The following DNAH8 variants were observed in gnomAD, a reference collection of about 807,000 sequenced individuals.
DNAH8 encodes the protein axonemal beta dynein heavy chain 8.
In DNAH8, 382 loss-of-function variants were observed where a neutral mutation model predicts 562.1. That is an observed-to-expected ratio of 0.68 (90% CI 0.63 to 0.74). The LOEUF is 0.74. Among genes scored for constraint, DNAH8 ranks in the 30% least tolerant of loss-of-function variants. The probability of loss-of-function intolerance (pLI) is 0.00; values close to 1 mark genes in which losing one functional copy is unlikely to be tolerated. For synonymous variants in DNAH8, 1,881 were observed against 1,919.4 expected, an observed-to-expected ratio of 0.98 and a Z score of 0.52; for missense variants, 5,203 against 5,620.4, an observed-to-expected ratio of 0.93 and a Z score of 2.37.
intron 36 of DNAH8, among the ~76,000 whole-genome samples, chr6:38,847,538 C>A (rs1287782737): frequency 6.6e-6 from 1 of 152,026 alleles, no homozygotes; most frequent in Non-Finnish European, 1.5e-5. Flanking sequence ...CTCCTTAGAG[C>A]AATTTATGTA....
At chr6:38,757,923 G>A (rs555784107) in intron 10 of DNAH8, among the ~76,000 whole-genome samples, 2 of 152,150 alleles carry the variant, frequency 1.3e-5, no homozygotes, top group Admixed American at 1.3e-4. Context: ...GGTTACTGTA[G>A]CCTTGTAGTA....
intron 79 of DNAH8, among the ~76,000 whole-genome samples, chr6:38,943,131 TC>T (rs1783594012): frequency 6.6e-6 from 1 of 152,198 alleles, no homozygotes; most frequent in African/African-American, 2.4e-5. Flanking sequence ...TAGGGAGCCA[TC>T]GAATGTTTTA....
chr6:38,970,676 CTT>C (rs1159285686), intron 82 of DNAH8, among the ~76,000 whole-genome samples: 1 of 152,192 alleles, frequency 6.6e-6, no homozygotes, highest in East Asian at 1.9e-4. Flanking sequence ...TCTCCAGCTT[CTT>C]ATAGTCTCTA....
chr6:38,723,109 G>T lies in DNAH8; in HGVS notation c.300G>T (p.Val100=), dbSNP rs1029725260. 4.3e-6 allele frequency: 7 copies of T among 1,612,792 alleles called. No individual in the cohort carries two copies. Among genetic ancestry groups the T allele is most frequent in the Non-Finnish European group, 5.1e-6 (6 of 1,179,910 alleles). The change falls in exon 2 of 93, where the codon GTG becomes GTT. Residue 100 remains valine (V), a synonymous_variant. Transcript: ENST00000327475. Reference sequence around the variant, plus strand: ...CGGTTCAGTCAGTGATTTCGGAAGTGCTGTCCTTGCCGTCTTCCCGGAGGT... The same window carrying T: ...CGGTTCAGTCAGTGATTTCGGAAGTTCTGTCCTTGCCGTCTTCCCGGAGGT... ...PRPVQSVISE[V]LSLPSSRRSS...
chr6:38,870,136 C>A (rs1358647251), intron 48 of DNAH8, among the ~76,000 whole-genome samples: 1 of 152,064 alleles, frequency 6.6e-6, no homozygotes, highest in African/African-American at 2.4e-5. Context: ...AAAGACTTGC[C>A]CCCATGATAC....
chr6:38,949,217 A>G (rs1048793131), intron 80 of DNAH8, among the ~76,000 whole-genome samples: 2 of 152,214 alleles, frequency 1.3e-5, no homozygotes, highest in African/African-American at 2.4e-5. Flanking sequence ...GGTGCAGTTG[A>G]CACACGATCC....
intron 63 of DNAH8, 64 bp from the exon 64 acceptor site, chr6:38,907,892 T>C: frequency 7.6e-7 from 1 of 1,310,992 alleles, no homozygotes; most frequent in South Asian, 2.0e-5. Flanking sequence ...GACTGGACTT[T>C]GGCAGTGAAT....
chr6:38,899,574 A>G (rs1779930530), intron 61 of DNAH8, among the ~76,000 whole-genome samples: 1 of 152,250 alleles, frequency 6.6e-6, no homozygotes. Context: ...TTCATGATGT[A>G]AACATAGATG....
rs1561854607 is a variant in DNAH8, at chr6:38,913,877, A to C, written c.9888A>C (p.Glu3296Asp). The C allele has an allele frequency of 6.2e-7, 1 of 1,613,214 alleles. No homozygotes were observed. The highest frequency in any genetic ancestry group is 8.5e-7 in the Non-Finnish European group (1 of 1,179,402). Residue 3296 changes from glutamate to aspartate, a missense_variant, in exon 67 of 93, where the codon GAA (glutamate) becomes GAC (aspartate). Glu to Asp is a conservative substitution (Grantham distance 45). Transcript: ENST00000327475. ...IGLDKLMEAS[E>D]SVAKLSQDLA... ...TTGATAAACTAATGGAGGCAAGTGA[A>C]TCTGTTGCTAAACTCTCTCAGGATC...
Position 38,971,580 on chromosome 6 carries a change from C to A in DNAH8, c.12452-12C>A. On this transcript the variant is annotated splice_polypyrimidine_tract_variant and intron_variant, in intron 82 of 92. Transcript: ENST00000327475. Reference sequence around the variant, plus strand: ...TGTGTTTCATCATAGTGAACTTTCTCCTATGTTACAGAATGTAGAACTATC... The same window carrying A: ...TGTGTTTCATCATAGTGAACTTTCTACTATGTTACAGAATGTAGAACTATC... 3.3e-6 allele frequency: 5 copies of A among 1,515,202 alleles called. No homozygotes were observed. The highest frequency in any genetic ancestry group is 4.4e-6 in the Non-Finnish European group (5 of 1,128,146). The allele number at this position is 1,515,202 out of a possible 1,614,324, so 93.9% of individuals were successfully genotyped here.
rs1774893816 is a variant in DNAH8 at position 38,842,509 on chromosome 6, A to G, written c.4604+4A>G. 1.2e-6 allele frequency: 2 copies of G among 1,608,976 alleles called. No individual in the cohort carries two copies. The highest frequency in any genetic ancestry group is 1.7e-6 in the Non-Finnish European group (2 of 1,178,704). On this transcript the variant is annotated splice_donor_region_variant and intron_variant, in intron 34 of 92. Transcript: ENST00000327475. The stretch of plus-strand genomic sequence containing the variant: ...AACTGCTGGAATTTCAAAACAGGTG[A>G]GTTTCAATGGAATTTTTTATAATGC...
chr6:38,845,818 G>A (rs757067464), intron 36 of DNAH8, 45 bp downstream of exon 36: 1 of 1,497,244 alleles, frequency 6.7e-7, no homozygotes, highest in South Asian at 1.2e-5. Flanking sequence ...GATATTTAGG[G>A]TTATAAAATT....
At chr6:38,755,257 T>A (rs1049060447) in intron 9 of DNAH8, among the ~76,000 whole-genome samples, 4 of 152,300 alleles carry the variant, frequency 2.6e-5, no homozygotes, top group South Asian at 2.1e-4. Context: ...CTTCAAGGGT[T>A]GTTGTCAGCA....
intron 21 of DNAH8, among the ~76,000 whole-genome samples, chr6:38,798,754 CAG>C (rs1377659731): frequency 1.3e-5 from 2 of 152,138 alleles, no homozygotes; most frequent in Non-Finnish European, 2.9e-5. Context: ...AGTTCAGACA[CAG>C]GGTTGGAGTT....
At chr6:38,993,760 AT>A (rs563209917) in intron 88 of DNAH8, among the ~76,000 whole-genome samples, 5 of 150,708 alleles carry the variant, frequency 3.3e-5, no homozygotes, top group South Asian at 2.1e-4. Flanking sequence ...TCTTCCTCAT[AT>A]TTTTTTTTAC....
At chr6:38,920,686 G>A (rs773107295) in intron 70 of DNAH8, among the ~76,000 whole-genome samples, 44 of 151,992 alleles carry the variant, frequency 2.9e-4, no homozygotes, top group Non-Finnish European at 4.6e-4. Context: ...CATCCAACAC[G>A]TAGAATATCA....
At chr6:38,984,017 G>C (rs1290936303) in intron 86 of DNAH8, among the ~76,000 whole-genome samples, 189 bp from the exon 87 acceptor site, 2 of 152,136 alleles carry the variant, frequency 1.3e-5, no homozygotes, top group South Asian at 2.1e-4. Flanking sequence ...TTTTTTCTTG[G>C]TGAACAAACT....
Position 38,832,388 on chromosome 6 carries a change from G to C in DNAH8, c.4255G>C (p.Glu1419Gln). 1 of 1,613,504 alleles carries C rather than the reference G, an allele frequency of 6.2e-7. No individual in the cohort carries two copies. Among genetic ancestry groups the C allele is most frequent in the Non-Finnish European group, 8.5e-7 (1 of 1,179,642 alleles). Residue 1419 changes from glutamate (E) to glutamine (Q), a missense_variant, in exon 31 of 93, where the codon GAA (glutamate) becomes CAA (glutamine). Physicochemically the swap from Glu to Gln is conservative, Grantham distance 29. This residue lies in a region of DNAH8 where 2,176 missense variants were observed against 2,365.1 expected (regional missense o/e 0.92). Coordinates refer to ENST00000327475, the MANE Select transcript of DNAH8 (RefSeq NM_001206927.2). ...TAAAAGCAATCTACTTGAGTCTGTG[G>C]AAGTTTTTCGTGAGGACGTGATAAA... ...KFKSNLLESV[E>Q]VFREDVINFA...
intron 78 of DNAH8, among the ~76,000 whole-genome samples, chr6:38,938,570 A>G (rs766333423): frequency 6.6e-6 from 1 of 152,168 alleles, no homozygotes; most frequent in Non-Finnish European, 1.5e-5. Flanking sequence ...GAGGAGAACA[A>G]CAGACACTGT....
Sources: allele counts gnomAD v4.1 joint callset (sites outside exome capture counted in the v4.1 genomes callset), GRCh38; gene constraint gnomAD v4.1.1; regional missense constraint gnomAD v4.1.1; transcripts MANE v1.5; gene names NCBI Gene and HGNC (gene_info 2026-07-23, HGNC 2026-07-21).